G2E3: variants seen among roughly 807,000 people sequenced by gnomAD.
G2E3 encodes the protein G2/M-phase specific E3 ubiquitin protein ligase, also known as G2/M phase-specific E3 ubiquitin-protein ligase.
A neutral mutation model predicts 92.8 loss-of-function variants in G2E3; 35 were observed. That is an observed-to-expected ratio of 0.38 (90% confidence interval 0.29 to 0.50). The LOEUF is 0.50. Ranked by LOEUF, G2E3 falls within the 20% of genes least tolerant of loss-of-function variation. G2E3 has a pLI of 0.94. For missense variants in G2E3, 554 were observed against 823.8 expected (o/e 0.67, Z 4.01); for synonymous variants, 242 against 272.4 (o/e 0.89, Z 1.10).
rs1225234627 is a variant in G2E3, at chr14:30,601,890, T to C, written c.873T>C (p.Asn291=). Residue 291 remains asparagine (N), a synonymous_variant, in exon 9 of 15, where the codon AAT becomes AAC. Coordinates refer to ENST00000206595, the MANE Select transcript of G2E3 (RefSeq NM_017769.5). The stretch of plus-strand genomic sequence containing the variant: ...TGGAATGTAGGGGTATTATCTACAA[T>C]TCAGGTAATTTTTTTGTAATTTTGA... ...ECLECRGIIY[N]SGEFQKAKKH... 6.2e-7 allele frequency: 1 copy of C among 1,612,594 alleles called. No individual in the cohort carries two copies. Among genetic ancestry groups the C allele is most frequent in the Admixed American group, 1.7e-5 (1 of 59,764 alleles).
intron 1 of G2E3, among the ~76,000 whole-genome samples, chr14:30,570,590 C>A (rs1199242497): frequency 8.5e-5 from 13 of 152,054 alleles, no homozygotes; most frequent in Non-Finnish European, 1.5e-5. Flanking sequence ...TTCGCTGATT[C>A]TTTCTCCTGC....
chr14:30,585,245 C>T (rs1880645016), intron 2 of G2E3, among the ~76,000 whole-genome samples: 1 of 152,122 alleles, frequency 6.6e-6, no homozygotes, highest in South Asian at 2.1e-4. Context: ...AAGCCATTGC[C>T]AAATCCAAAG....
chr14:30,597,328 AT>A, intron 6 of G2E3, 91 bp from the exon 7 acceptor site: 1 of 744,332 alleles, frequency 1.3e-6, no homozygotes. Context: ...TTCATAATAT[AT>A]TGTTAAAAAT....
At chr14:30,587,709 C>T (rs926615279) in intron 3 of G2E3, among the ~76,000 whole-genome samples, 1 of 152,032 alleles carries the variant, frequency 6.6e-6, no homozygotes, top group African/African-American at 2.4e-5. Flanking sequence ...AACCTCAGCT[C>T]CTTACCTCCT....
rs1172662478 is a variant in G2E3, at chr14:30,570,337, A to G, written c.-4-10739A>G. 2.0e-5 allele frequency among the ~76,000 whole-genome samples: 3 copies of G among 152,188 alleles called. No individual in the cohort carries two copies. In the East Asian group the frequency reaches 5.8e-4, roughly 29 times the overall value. The stretch of plus-strand genomic sequence containing the variant: ...CCTGATTAAAGATCTTGAGCTTCTT[A>G]AAAATGTGTAGATTGAAGTCTTACC... On this transcript the variant is annotated intron_variant, in intron 1 of 14. Coordinates refer to ENST00000206595, the MANE Select transcript of G2E3 (RefSeq NM_017769.5).
chr14:30,609,229 C>T (rs1881975458), intron 12 of G2E3, among the ~76,000 whole-genome samples: 1 of 151,996 alleles, frequency 6.6e-6, no homozygotes, highest in Admixed American at 6.5e-5. Flanking sequence ...TTTTTGTGCC[C>T]TCTTTACTAA....
intron 2 of G2E3, among the ~76,000 whole-genome samples, chr14:30,583,480 A>G (rs1050684946): frequency 6.6e-6 from 1 of 152,130 alleles, no homozygotes; most frequent in Non-Finnish European, 1.5e-5. Flanking sequence ...AAAAAGTCAA[A>G]CTCATAGAAA....
chr14:30,562,422 T>A (rs1482190702), intron 1 of G2E3, among the ~76,000 whole-genome samples: 1 of 152,128 alleles, frequency 6.6e-6, no homozygotes, highest in Non-Finnish European at 1.5e-5. Context: ...TAGTGAGAAG[T>A]GACCAGAAGA....
intron 12 of G2E3, 104 bp from the exon 13 acceptor site, chr14:30,612,103 T>C: frequency 2.6e-6 from 2 of 765,148 alleles, no homozygotes; most frequent in Non-Finnish European, 4.4e-6. Flanking sequence ...ACTGCACCCA[T>C]ATGTACTAAG....
chr14:30,578,739 TATG>T (rs1481783469), intron 1 of G2E3, among the ~76,000 whole-genome samples: 5 of 152,216 alleles, frequency 3.3e-5, no homozygotes, highest in Non-Finnish European at 7.3e-5. Context: ...TGGATGGATT[TATG>T]ATATGTTGAA....
chr14:30,566,860 T>C (rs908047914), intron 1 of G2E3, among the ~76,000 whole-genome samples: 5 of 152,324 alleles, frequency 3.3e-5, no homozygotes, highest in South Asian at 2.1e-4. Context: ...AGTTCCCTTA[T>C]ATTCCTAAAT....
intron 11 of G2E3, among the ~76,000 whole-genome samples, chr14:30,607,176 T>C (rs1881867748): frequency 6.6e-6 from 1 of 152,098 alleles, no homozygotes. Context: ...AGTAGTATGA[T>C]AAAAAGTTTA....
At chr14:30,588,452 G>A (rs1000812846) in intron 3 of G2E3, among the ~76,000 whole-genome samples, 1 of 151,476 alleles carries the variant, frequency 6.6e-6, no homozygotes, top group African/African-American at 2.4e-5. Context: ...GCTCTACATG[G>A]TGTTTTCAAA....
rs757202467 is a variant in G2E3, at chr14:30,619,800, A to G, written c.*3266A>G. On this transcript the variant is annotated 3_prime_UTR_variant, in exon 15 of 15. Coordinates refer to ENST00000206595, the MANE Select transcript of G2E3 (RefSeq NM_017769.5). ...ACCAAAAAGCGTGACATTTATAACA[A>G]TGTTTTATAAATAAATAAATGTGTT... 3.3e-5 allele frequency: 5 copies of G among 152,316 alleles called. No individual in the cohort carries two copies. The highest frequency in any genetic ancestry group is 4.1e-4 in the South Asian group (2 of 4,828). 9.4% of individuals were successfully genotyped at this position (152,316 alleles called of 1,614,324 possible). A position where few individuals can be genotyped will look rare whatever the true frequency, so the allele number is the denominator to read the frequency against.
intron 1 of G2E3, among the ~76,000 whole-genome samples, chr14:30,565,233 C>T (rs1315104550): frequency 1.3e-5 from 2 of 152,062 alleles, no homozygotes; most frequent in South Asian, 2.1e-4. Flanking sequence ...ATATAATGAG[C>T]ATTTTTTCAT....
At chr14:30,573,154 T>C (rs1879867590) in intron 1 of G2E3, among the ~76,000 whole-genome samples, 1 of 152,106 alleles carries the variant, frequency 6.6e-6, no homozygotes, top group South Asian at 2.1e-4. Context: ...TTTTAAGATA[T>C]GTTTATTATT....
At chr14:30,569,804 C>CA (rs1010207599) in intron 1 of G2E3, among the ~76,000 whole-genome samples, 1 of 152,120 alleles carries the variant, frequency 6.6e-6, no homozygotes, top group African/African-American at 2.4e-5. Flanking sequence ...ATAATCCAAC[C>CA]AAATGGCAGA....
At chr14:30,571,219 AG>A (rs1227276469) in intron 1 of G2E3, among the ~76,000 whole-genome samples, 1 of 148,468 alleles carries the variant, frequency 6.7e-6, no homozygotes, top group African/African-American at 2.5e-5. Flanking sequence ...CTTTATGACC[AG>A]TGATGTTCAT....
At position 30,607,254 on chromosome 14, in the gene G2E3, C is replaced by T. The variant is rs189607639; in HGVS notation, c.1319-634C>T. Among the ~76,000 whole-genome samples, 300 of 152,146 alleles carry T rather than the reference C, an allele frequency of 2.0e-3. 1 individual carries two copies. The highest frequency in any genetic ancestry group is 7.0e-3 in the African/African-American group (290 of 41,536). ...TTATATACACAAAGAGGTACAAGTA[C>T]AGTCATTTGTCACTTAGTAACAGGG... On this transcript the variant is annotated intron_variant, in intron 11 of 14. Transcript: ENST00000206595.
Sources: allele counts gnomAD v4.1 joint callset (sites outside exome capture counted in the v4.1 genomes callset), GRCh38; gene constraint gnomAD v4.1.1; transcripts MANE v1.5; gene names NCBI Gene and HGNC (gene_info 2026-07-23, HGNC 2026-07-21).